AK8: variants seen among roughly 807,000 people sequenced by gnomAD.
AK8 encodes adenylate kinase 8, also known as ATP-AMP transphosphorylase 8.
A neutral mutation model predicts 54.6 loss-of-function variants in AK8; 44 were observed. That is an observed-to-expected ratio of 0.81 (90% CI 0.63 to 1.04). AK8 has a LOEUF of 1.04. Ranked by LOEUF, AK8 falls within the 50% of genes least tolerant of loss-of-function variation. The probability of loss-of-function intolerance (pLI) is 0.00; values close to 1 mark genes in which losing one functional copy is unlikely to be tolerated. For synonymous variants in AK8, 239 were observed against 245.6 expected, an observed-to-expected ratio of 0.97 and a Z score of 0.25; for missense variants, 555 against 613.6, an observed-to-expected ratio of 0.90 and a Z score of 1.01.
At chr9:132,784,511 CAAGA>C (rs1239359653) in intron 11 of AK8, among the ~76,000 whole-genome samples, 3 of 149,644 alleles carry the variant, frequency 2.0e-5, no homozygotes, top group Non-Finnish European at 4.4e-5. Context: ...GAGACTCCAT[CAAGA>C]AAGAAAGAAA....
chr9:132,775,413 C>T (rs899435081), intron 11 of AK8, among the ~76,000 whole-genome samples: 13 of 152,156 alleles, frequency 8.5e-5, no homozygotes, highest in African/African-American at 3.1e-4. Context: ...AGCGATTCTC[C>T]TGCCTCAGCC....
intron 11 of AK8, among the ~76,000 whole-genome samples, chr9:132,759,883 T>C (rs1277900219): frequency 1.3e-5 from 2 of 152,190 alleles, no homozygotes; most frequent in Non-Finnish European, 2.9e-5. Flanking sequence ...CGGGAATAAC[T>C]TGATAAATTT....
intron 5 of AK8, among the ~76,000 whole-genome samples, chr9:132,834,694 A>G (rs1472906405): frequency 6.6e-6 from 1 of 152,086 alleles, no homozygotes; most frequent in Non-Finnish European, 1.5e-5. Flanking sequence ...TGCAGGAGTG[A>G]TTTTTCTAAA....
At chr9:132,840,114 G>A (rs776063142) in intron 5 of AK8, among the ~76,000 whole-genome samples, 6 of 152,032 alleles carry the variant, frequency 3.9e-5, no homozygotes, top group East Asian at 1.9e-4. Context: ...CACTGCGCCC[G>A]GCCCCAGTCA....
Position 132,863,482 on chromosome 9 carries a change from G to A in AK8, c.333+183C>T, listed in dbSNP as rs143212779. 6.5e-3 allele frequency among the ~76,000 whole-genome samples: 983 copies of A among 152,320 alleles called. 14 individuals carry two copies. Among genetic ancestry groups the A allele is most frequent in the African/African-American group, 0.022 (903 of 41,564 alleles). ...CACCTCGGTACCCAACAGGACGTGA[G>A]CCCAGTAAAGAATTATCTTCTTCCT... On this transcript the variant is annotated intron_variant, in intron 4 of 12. Transcript: ENST00000298545.
At chr9:132,745,162 G>A (rs918717493) in intron 11 of AK8, among the ~76,000 whole-genome samples, 9 of 152,196 alleles carry the variant, frequency 5.9e-5, no homozygotes, top group Admixed American at 1.3e-4. Context: ...AGCGAGATAC[G>A]CTTTACGGTG....
At position 132,770,799 on chromosome 9, in the gene AK8, G is replaced by C. The variant is rs1416268156; in HGVS notation, c.1121+21835C>G. On this transcript the variant is annotated intron_variant, in intron 11 of 12. Coordinates refer to ENST00000298545, the MANE Select transcript of AK8 (RefSeq NM_152572.3). The surrounding 1 kb of genome is among the most constrained non-coding windows in gnomAD (Gnocchi z 4.3). ...TCCCCTGGATCCAGGAACCCAGTGGGCTCTGGAAGCAGCTGCTGAGTGCAC... is the reference window on the plus strand; with the variant it reads ...TCCCCTGGATCCAGGAACCCAGTGGCCTCTGGAAGCAGCTGCTGAGTGCAC... 2.0e-5 allele frequency among the ~76,000 whole-genome samples: 3 copies of C among 152,202 alleles called. No individual in the cohort carries two copies. Among genetic ancestry groups the C allele is most frequent in the Non-Finnish European group, 4.4e-5 (3 of 68,034 alleles).
At chr9:132,786,471 T>A (rs898228472) in intron 11 of AK8, among the ~76,000 whole-genome samples, 2 of 152,138 alleles carry the variant, frequency 1.3e-5, no homozygotes, top group Non-Finnish European at 2.9e-5. Flanking sequence ...GCTTCTCCCC[T>A]GGACCCCCAG....
chr9:132,769,290 G>T (rs1436628863), intron 11 of AK8: 4 of 152,300 alleles, frequency 2.6e-5, no homozygotes, highest in Non-Finnish European at 4.4e-5. Context: ...TTTTTTCCGG[G>T]TAAGAGACTC....
rs867830809 is a variant in AK8, at chr9:132,799,170, C to A, written c.980-6395G>T. ...AGAGGCCCCTCCTGCTGCGCCACGCCGCCGCCTGCTGTCCGCACCGCAGAG... is the reference window on the plus strand; with the variant it reads ...AGAGGCCCCTCCTGCTGCGCCACGCAGCCGCCTGCTGTCCGCACCGCAGAG... On this transcript the variant is annotated intron_variant, in intron 10 of 12. Coordinates refer to ENST00000298545, the MANE Select transcript of AK8 (RefSeq NM_152572.3). The surrounding 1 kb of genome is among the most constrained non-coding windows in gnomAD (Gnocchi z 5.0). Among the ~76,000 whole-genome samples, 2 of 152,154 alleles carry A rather than the reference C, an allele frequency of 1.3e-5. No homozygotes were observed. Among genetic ancestry groups the A allele is most frequent in the Non-Finnish European group, 2.9e-5 (2 of 68,034 alleles).
At chr9:132,802,334 G>A (rs143936813) in intron 10 of AK8, among the ~76,000 whole-genome samples, 4 of 152,192 alleles carry the variant, frequency 2.6e-5, no homozygotes, top group African/African-American at 4.8e-5. Context: ...GGAGGGGGGC[G>A]GTGTCTCAAT....
intron 11 of AK8, among the ~76,000 whole-genome samples, chr9:132,747,897 G>A (rs546514886): frequency 4.6e-5 from 7 of 150,866 alleles, no homozygotes; most frequent in African/African-American, 9.7e-5. Flanking sequence ...AGGGGAGTTC[G>A]AGACCAGCCT....
At chr9:132,728,765 A>G (rs1426984619) in intron 11 of AK8, among the ~76,000 whole-genome samples, 1 of 152,162 alleles carries the variant, frequency 6.6e-6, no homozygotes, top group Non-Finnish European at 1.5e-5. Flanking sequence ...ATCAGAACCC[A>G]GCAGAAGAGA....
At chr9:132,762,212 G>A (rs943552769) in intron 11 of AK8, among the ~76,000 whole-genome samples, 6 of 152,096 alleles carry the variant, frequency 3.9e-5, no homozygotes, top group South Asian at 2.1e-4. Context: ...GAGATTTGTC[G>A]GTTTATTAAT....
At chr9:132,825,311 A>T (rs1359729952) in intron 8 of AK8, among the ~76,000 whole-genome samples, 1 of 152,238 alleles carries the variant, frequency 6.6e-6, no homozygotes, top group Non-Finnish European at 1.5e-5. Flanking sequence ...ATCTCTCTGC[A>T]TTATTAATTA....
intron 5 of AK8, among the ~76,000 whole-genome samples, chr9:132,831,221 G>A (rs1352168153): frequency 2.0e-5 from 3 of 151,746 alleles, no homozygotes; most frequent in Non-Finnish European, 4.4e-5. Context: ...GATCTTTCAG[G>A]TAAACATTAA....
At chr9:132,844,862 C>T (rs149975089) in intron 5 of AK8, among the ~76,000 whole-genome samples, 19 of 152,308 alleles carry the variant, frequency 1.2e-4, no homozygotes, top group Non-Finnish European at 1.5e-4. Context: ...CAGAGTAACA[C>T]GCTCTGTGCC....
chr9:132,839,824 G>GC (rs1554801266), intron 5 of AK8, among the ~76,000 whole-genome samples: 2 of 147,702 alleles, frequency 1.4e-5, no homozygotes, highest in South Asian at 4.3e-4. Context: ...TTTTGCCGGG[G>GC]GGGGGGGCGC....
At chr9:132,767,647 T>C (rs11243909) in intron 11 of AK8, among the ~76,000 whole-genome samples, 23,458 of 152,218 alleles carry the variant, frequency 0.15, 1,912 homozygotes, top group Admixed American at 0.21. Flanking sequence ...CTAAGAGATA[T>C]CTGCATGCCC....
Sources: gnomAD v4.1 joint callset for allele counts (sites outside exome capture counted in the v4.1 genomes callset) on GRCh38, gnomAD v4.1.1 for gene constraint, Gnocchi (gnomAD v3.1) non-coding constraint, MANE v1.5 for transcripts, NCBI Gene and HGNC (gene_info 2026-07-23, HGNC 2026-07-21) for gene names.